The following KLHL1 variants were observed in gnomAD, a reference collection of about 807,000 sequenced individuals.
The protein encoded by KLHL1 is kelch-like protein 1.
Under a neutral mutation model 77.7 loss-of-function variants are expected in KLHL1, and 47 were observed. The observed-to-expected ratio is 0.60, with a 90% confidence interval of 0.48 to 0.77. KLHL1 has a LOEUF of 0.77. KLHL1 is among the 30% of genes least tolerant of loss of function. The pLI is 0.00. For missense variants in KLHL1, 925 were observed against 910.8 expected (o/e 1.02, Z -0.20); for synonymous variants, 360 against 325.2 (o/e 1.11, Z -1.15).
chr13:70,081,033 T>C (rs939393707), intron 1 of KLHL1, among the ~76,000 whole-genome samples: 1 of 152,204 alleles, frequency 6.6e-6, no homozygotes, highest in African/African-American at 2.4e-5. Context: ...AAATAACTCT[T>C]TGCATAAAAT....
intron 1 of KLHL1, among the ~76,000 whole-genome samples, chr13:70,072,333 T>G (rs1887155876): frequency 6.6e-6 from 1 of 152,164 alleles, no homozygotes; most frequent in Admixed American, 6.5e-5. Flanking sequence ...AATGCCCAGA[T>G]GTTTTTACTG....
intron 9 of KLHL1, among the ~76,000 whole-genome samples, chr13:69,718,140 A>G (rs1351743501): frequency 1.3e-5 from 2 of 152,110 alleles, no homozygotes; most frequent in Non-Finnish European, 2.9e-5. Context: ...ACAGGCCTCA[A>G]TCAGGATACA....
intron 1 of KLHL1, among the ~76,000 whole-genome samples, chr13:69,996,238 G>A (rs1481620122): frequency 6.6e-6 from 1 of 152,004 alleles, no homozygotes; most frequent in South Asian, 2.1e-4. Flanking sequence ...GGTTGTCAGA[G>A]GTTGCAGTGA....
chr13:69,895,640 G>T (rs560618708), intron 4 of KLHL1, among the ~76,000 whole-genome samples: 13 of 151,976 alleles, frequency 8.6e-5, no homozygotes, highest in South Asian at 6.2e-4. Flanking sequence ...GTTTCGCCAA[G>T]TGAAAATCAA....
At chr13:69,892,737 T>C (rs79254047) in intron 4 of KLHL1, among the ~76,000 whole-genome samples, 93 of 152,250 alleles carry the variant, frequency 6.1e-4, no homozygotes, top group African/African-American at 2.1e-3. Context: ...TAATCAGAAA[T>C]AGCTAGACAG....
intron 1 of KLHL1, among the ~76,000 whole-genome samples, chr13:70,020,953 C>T (rs2049892): frequency 0.79 from 120,174 of 151,972 alleles, 47,706 homozygotes; most frequent in East Asian, 0.92. Context: ...CTTCTGTGTA[C>T]GTATAGCCTC....
chr13:69,846,337 C>A (rs966416792), intron 5 of KLHL1, among the ~76,000 whole-genome samples: 9 of 151,434 alleles, frequency 5.9e-5, no homozygotes, highest in African/African-American at 1.9e-4. Context: ...TAGGGTAACC[C>A]AGTAGCTTCA....
intron 5 of KLHL1, among the ~76,000 whole-genome samples, chr13:69,857,597 A>G (rs1879970549): frequency 6.6e-6 from 1 of 152,052 alleles, no homozygotes; most frequent in African/African-American, 2.4e-5. Flanking sequence ...TAAGTTTCCT[A>G]TTCATTTGTA....
intron 1 of KLHL1, among the ~76,000 whole-genome samples, chr13:70,077,692 G>C (rs1887297651): frequency 6.6e-6 from 1 of 151,944 alleles, no homozygotes; most frequent in Non-Finnish European, 1.5e-5. Flanking sequence ...ATGGGAAGGA[G>C]TATATGGGAA....
intron 7 of KLHL1, among the ~76,000 whole-genome samples, chr13:69,793,616 T>G (rs1593837884): frequency 6.6e-6 from 1 of 152,104 alleles, no homozygotes; most frequent in Non-Finnish European, 1.5e-5. Flanking sequence ...TTCACTTGAA[T>G]GTATAATATG....
intron 5 of KLHL1, among the ~76,000 whole-genome samples, chr13:69,869,253 A>G (rs1264910122): frequency 1.3e-5 from 2 of 152,156 alleles, no homozygotes; most frequent in Non-Finnish European, 2.9e-5. Context: ...CTTAAAATTT[A>G]TCATATGGAA....
At chr13:69,710,533 A>G (rs948524936) in intron 9 of KLHL1, among the ~76,000 whole-genome samples, 2 of 152,048 alleles carry the variant, frequency 1.3e-5, no homozygotes, top group Non-Finnish European at 2.9e-5. Context: ...GGAAGAGAAG[A>G]GATCACACAG....
At chr13:70,086,378 T>C (rs1033443309) in intron 1 of KLHL1, among the ~76,000 whole-genome samples, 20 of 149,414 alleles carry the variant, frequency 1.3e-4, no homozygotes, top group Admixed American at 6.0e-4. Context: ...AAGTCAAGAG[T>C]TCAAGACCAG....
chr13:69,965,093 C>T (rs1324427209), intron 2 of KLHL1, among the ~76,000 whole-genome samples: 1 of 152,106 alleles, frequency 6.6e-6, no homozygotes, highest in Admixed American at 6.6e-5. Context: ...AAATAAAATA[C>T]AATTATTTGG....
chr13:69,912,470 A>G (rs1882269978), intron 4 of KLHL1, among the ~76,000 whole-genome samples: 1 of 152,352 alleles, frequency 6.6e-6, no homozygotes, highest in Admixed American at 6.5e-5. Context: ...CCATTATTCA[A>G]TCATAATTTT....
intron 5 of KLHL1, among the ~76,000 whole-genome samples, chr13:69,855,329 T>G (rs867020146): frequency 6.2e-5 from 7 of 113,240 alleles, no homozygotes; most frequent in African/African-American, 1.9e-4. Flanking sequence ...GATAGATAGA[T>G]AGATAGATAG....
At chr13:69,867,555 AT>A (rs1880410464) in intron 5 of KLHL1, among the ~76,000 whole-genome samples, 1 of 151,966 alleles carries the variant, frequency 6.6e-6, no homozygotes, top group Non-Finnish European at 1.5e-5. Flanking sequence ...CTTGATAATT[AT>A]TTTTTAAATG....
chr13:69,975,867 T>C (rs2137292108), intron 1 of KLHL1, 65 bp from the exon 2 acceptor site: 2 of 1,456,376 alleles, frequency 1.4e-6, no homozygotes, highest in South Asian at 3.1e-5. Flanking sequence ...GAGCCAATTA[T>C]CTAGAATAAC....
intron 6 of KLHL1, among the ~76,000 whole-genome samples, chr13:69,834,707 G>C (rs1878913682): frequency 6.6e-6 from 1 of 152,070 alleles, no homozygotes; most frequent in Non-Finnish European, 1.5e-5. Context: ...AAATTAGAAA[G>C]TTTCTGTTGC....
Sources: gnomAD v4.1 joint callset for allele counts (sites outside exome capture counted in the v4.1 genomes callset) on GRCh38, gnomAD v4.1.1 for gene constraint, MANE v1.5 for transcripts, NCBI Gene and HGNC (gene_info 2026-07-23, HGNC 2026-07-21) for gene names.